The following SEMA3A variants were observed in gnomAD, a reference collection of about 807,000 sequenced individuals.
SEMA3A encodes semaphorin-3A.
Under a neutral mutation model 97.9 loss-of-function variants are expected in SEMA3A, and 29 were observed. The ratio of observed to expected loss-of-function variants is 0.30; its 90% CI spans 0.22 to 0.40. SEMA3A has a LOEUF of 0.40. Among genes scored for constraint, SEMA3A ranks in the 10% least tolerant of loss-of-function variants. The pLI is 1.00. For synonymous variants in SEMA3A, 321 were observed against 323.7 expected (o/e 0.99, Z 0.09); for missense variants, 763 against 951.3 (o/e 0.80, Z 2.60).
At chr7:84,080,559 C>CTTTT (rs1050053968) in intron 4 of SEMA3A, among the ~76,000 whole-genome samples, 3 of 11,908 alleles carry the variant, frequency 2.5e-4, no homozygotes, top group African/African-American at 1.6e-3. Context: ...GCTTATAATT[C>CTTTT]TTTTTTTTTT....
chr7:84,011,364 T>G lies in SEMA3A; in HGVS notation c.811-67A>C. The G allele has an allele frequency of 8.2e-6, 8 of 970,498 alleles. No homozygotes were observed. The South Asian group carries it at 1.1e-4, about 14-fold the overall frequency. 60.1% of individuals were successfully genotyped at this position (970,498 alleles called of 1,614,324 possible). ...ATGATAATTTGAAACATTTCTATTT[T>G]CTTCATATCTTCAGACAAACATAAA... On this transcript the variant is annotated intron_variant, in intron 7 of 16. Transcript: ENST00000265362.
rs780479809 is a variant in SEMA3A, at chr7:83,956,717, T to C, written c.*4654A>G. 1.3e-5 allele frequency: 2 copies of C among 152,122 alleles called. No individual in the cohort carries two copies. Among genetic ancestry groups the C allele is most frequent in the South Asian group, 2.1e-4 (1 of 4,834 alleles). The allele number at this position is 152,122 out of a possible 1,614,324, so 9.4% of individuals were successfully genotyped here. A position where few individuals can be genotyped will look rare whatever the true frequency, so the allele number is the denominator to read the frequency against. ...TAGTGGGACATTTAACTTTTCTTTATGAAACCTGTGTTTTATCTGTTTGAA... is the reference window on the plus strand; with the variant it reads ...TAGTGGGACATTTAACTTTTCTTTACGAAACCTGTGTTTTATCTGTTTGAA... On this transcript the variant is annotated 3_prime_UTR_variant, in exon 17 of 17. Transcript: ENST00000265362.
chr7:84,475,660 A>G (rs1806263919), intron 1 of SEMA3A, among the ~76,000 whole-genome samples: 1 of 152,138 alleles, frequency 6.6e-6, no homozygotes, highest in East Asian at 1.9e-4. Flanking sequence ...TTTTTTTTCC[A>G]GTATAGCATT....
chr7:84,316,016 G>C (rs1433611665), intron 2 of SEMA3A, among the ~76,000 whole-genome samples: 1 of 148,564 alleles, frequency 6.7e-6, no homozygotes, highest in African/African-American at 2.5e-5. Context: ...AAAAGAATGG[G>C]AGCAGTGGTG....
At chr7:84,211,803 G>C (rs988347539) in intron 3 of SEMA3A, among the ~76,000 whole-genome samples, 1 of 152,044 alleles carries the variant, frequency 6.6e-6, no homozygotes, top group Non-Finnish European at 1.5e-5. Flanking sequence ...TAAGCATTTG[G>C]GAATTCATTT....
intron 12 of SEMA3A, among the ~76,000 whole-genome samples, chr7:83,995,207 C>T (rs1214725482): frequency 6.6e-6 from 1 of 152,142 alleles, no homozygotes; most frequent in Non-Finnish European, 1.5e-5. Flanking sequence ...CTGACCTGCA[C>T]CCACTGTCTG....
chr7:84,248,363 C>A (rs556175329), intron 3 of SEMA3A, among the ~76,000 whole-genome samples: 1 of 152,276 alleles, frequency 6.6e-6, no homozygotes, highest in South Asian at 2.1e-4. Context: ...AGCACAAGTA[C>A]TTTCTGCAGC....
chr7:84,348,125 A>T lies in SEMA3A; in HGVS notation c.-169+23699T>A, dbSNP rs914653739. Among the ~76,000 whole-genome samples, 4 of 152,172 alleles carry T rather than the reference A, an allele frequency of 2.6e-5. No homozygotes were observed. The South Asian group carries it at 6.2e-4, about 24-fold the overall frequency. ...AACTACTCCAAAAAATGTCTCTTTT[A>T]AAAAAGTCAATAAAAAATGCTGCTG... is the stretch of plus-strand genomic sequence containing the variant. On this transcript the variant is annotated intron_variant, in intron 2 of 3. Coordinates refer to the SEMA3A transcript ENST00000424555.
intron 1 of SEMA3A, among the ~76,000 whole-genome samples, chr7:84,485,252 G>A (rs1452249748): frequency 1.3e-5 from 2 of 152,030 alleles, no homozygotes; most frequent in Non-Finnish European, 2.9e-5. Flanking sequence ...ATATTTGGCC[G>A]CAGTATTGGA....
At chr7:84,337,884 TAA>T (rs1160784808) in intron 2 of SEMA3A, among the ~76,000 whole-genome samples, 1 of 151,998 alleles carries the variant, frequency 6.6e-6, no homozygotes, top group Non-Finnish European at 1.5e-5. Flanking sequence ...TTCTCAACAA[TAA>T]ATTTCAGAGA....
At chr7:84,398,114 T>G (rs1237172154) in intron 1 of SEMA3A, among the ~76,000 whole-genome samples, 1 of 152,190 alleles carries the variant, frequency 6.6e-6, no homozygotes, top group Non-Finnish European at 1.5e-5. Flanking sequence ...TTGATTGACA[T>G]GCCTTTTTCA....
intron 15 of SEMA3A, among the ~76,000 whole-genome samples, chr7:83,974,295 G>A (rs1013330487): frequency 3.3e-5 from 5 of 152,244 alleles, no homozygotes; most frequent in Admixed American, 3.3e-4. Context: ...TTACATATAA[G>A]GGAGCAGAGT....
At chr7:84,030,987 G>GT (rs10615974) in intron 6 of SEMA3A, among the ~76,000 whole-genome samples, 12,513 of 94,862 alleles carry the variant, frequency 0.13, 1,152 homozygotes, top group East Asian at 0.3. Context: ...TTTTGGTCAA[G>GT]TTTTTTTTTT....
intron 5 of SEMA3A, among the ~76,000 whole-genome samples, chr7:84,049,464 A>G (rs1185415142): frequency 6.6e-6 from 1 of 152,096 alleles, no homozygotes; most frequent in Non-Finnish European, 1.5e-5. Context: ...ACCTTCTCTT[A>G]TTTCTCATTA....
chr7:84,097,048 T>A lies in SEMA3A; in HGVS notation c.453+13422A>T, dbSNP rs529793886. ...GGATTCTTAAGGGCAAAGGTTACAATTGTCCCCAAGATTGAGGCCAGCAAA... is the reference window on the plus strand; with the variant it reads ...GGATTCTTAAGGGCAAAGGTTACAAATGTCCCCAAGATTGAGGCCAGCAAA... On this transcript the variant is annotated intron_variant, in intron 4 of 16. Transcript: ENST00000265362. Among the ~76,000 whole-genome samples, 3 of 152,200 alleles carry A rather than the reference T, an allele frequency of 2.0e-5. No homozygotes were observed. The South Asian group carries it at 6.2e-4, about 32-fold the overall frequency.
At chr7:84,479,279 T>C in intron 1 of SEMA3A, among the ~76,000 whole-genome samples, 1 of 152,200 alleles carries the variant, frequency 6.6e-6, no homozygotes, top group East Asian at 1.9e-4. Flanking sequence ...TATATTTACA[T>C]AGCTGTCAAT....
At chr7:84,382,702 CAAAAAAAAAAAAA>C (rs377120252) in intron 1 of SEMA3A, among the ~76,000 whole-genome samples, 14 of 82,070 alleles carry the variant, frequency 1.7e-4, no homozygotes, top group African/African-American at 6.0e-4. Flanking sequence ...ACTAAAAATC[CAAAAAAAAAAAAA>C]AAAAAAAAAA....
chr7:84,316,412 AAG>A (rs1277523246), intron 2 of SEMA3A, among the ~76,000 whole-genome samples: 4 of 152,070 alleles, frequency 2.6e-5, no homozygotes, highest in Non-Finnish European at 4.4e-5. Flanking sequence ...ATGAAAAAAA[AAG>A]AGTTATTTCA....
intron 3 of SEMA3A, among the ~76,000 whole-genome samples, chr7:84,285,697 A>C (rs916650078): frequency 1.3e-5 from 2 of 152,136 alleles, no homozygotes; most frequent in African/African-American, 2.4e-5. Flanking sequence ...CTCTATTCCC[A>C]GCACTTTGGA....
Sources: gnomAD v4.1 joint callset for allele counts (sites outside exome capture counted in the v4.1 genomes callset) on GRCh38, gnomAD v4.1.1 for gene constraint, MANE v1.5 for transcripts, NCBI Gene and HGNC (gene_info 2026-07-23, HGNC 2026-07-21) for gene names.